Variants in CBLB observed in about 807,000 individuals in gnomAD.
The protein encoded by CBLB is Cbl proto-oncogene B.
CBLB carries 31 observed loss-of-function variants against 104.9 expected under a neutral mutation model. The ratio of observed to expected loss-of-function variants is 0.30; its 90% CI spans 0.22 to 0.40. The LOEUF is 0.40. Ranked by LOEUF, CBLB falls within the 10% of genes least tolerant of loss-of-function variation. The pLI is 1.00. For missense variants in CBLB, 1,062 were observed against 1,214.6 expected (o/e 0.87, Z 1.87); for synonymous variants, 440 against 422.6 (o/e 1.04, Z -0.51).
intron 3 of CBLB, among the ~76,000 whole-genome samples, chr3:105,832,706 C>G (rs928747351): frequency 5.3e-5 from 8 of 152,186 alleles, no homozygotes; most frequent in African/African-American, 1.9e-4. Context: ...CTAACAATGC[C>G]TGCCAAGTTT....
intron 9 of CBLB, among the ~76,000 whole-genome samples, chr3:105,722,937 T>A (rs1205059408): frequency 1.3e-5 from 2 of 152,288 alleles, no homozygotes; most frequent in Non-Finnish European, 2.9e-5. Context: ...GTTATAAGAG[T>A]AGATATCACA....
At chr3:105,843,202 T>A (rs1319762115) in intron 3 of CBLB, among the ~76,000 whole-genome samples, 1 of 152,150 alleles carries the variant, frequency 6.6e-6, no homozygotes, top group Non-Finnish European at 1.5e-5. Flanking sequence ...CCATTCAACA[T>A]GCCACTTTCA....
chr3:105,770,940 T>C (rs866603906), intron 4 of CBLB, among the ~76,000 whole-genome samples: 7 of 152,156 alleles, frequency 4.6e-5, no homozygotes, highest in South Asian at 2.1e-4. Context: ...CAGGACAAGA[T>C]AGATTCACAA....
intron 4 of CBLB, among the ~76,000 whole-genome samples, chr3:105,763,006 G>C (rs1006935058): frequency 6.6e-6 from 1 of 152,214 alleles, no homozygotes; most frequent in Non-Finnish European, 1.5e-5. Context: ...TGCCCTGGAC[G>C]TGAGACACGG....
chr3:105,724,637 T>A (rs1867429), intron 9 of CBLB, among the ~76,000 whole-genome samples: 150,182 of 152,268 alleles, frequency 0.99, 74,101 homozygotes, highest in East Asian at 1. Context: ...ATATCTTAAC[T>A]TTTGAAAAAA....
intron 4 of CBLB, among the ~76,000 whole-genome samples, chr3:105,756,590 G>A (rs2077103562): frequency 6.6e-6 from 1 of 152,078 alleles, no homozygotes; most frequent in African/African-American, 2.4e-5. Flanking sequence ...GGTATTTTTT[G>A]TAGTAGATAC....
intron 18 of CBLB, among the ~76,000 whole-genome samples, chr3:105,667,303 T>C (rs2064572364): frequency 8.9e-4 from 1 of 1,120 alleles, no homozygotes; most frequent in South Asian, 0.17. Flanking sequence ...TAATACAGCC[T>C]TTTAGTTTTC....
chr3:105,735,889 T>G (rs2074880631), intron 8 of CBLB, among the ~76,000 whole-genome samples: 1 of 152,106 alleles, frequency 6.6e-6, no homozygotes, highest in East Asian at 1.9e-4. Context: ...GAGGTTGTAG[T>G]GAGCCGAGAT....
intron 3 of CBLB, among the ~76,000 whole-genome samples, chr3:105,799,871 G>A (rs1166538725): frequency 6.6e-6 from 1 of 152,144 alleles, no homozygotes; most frequent in African/African-American, 2.4e-5. Flanking sequence ...GGTCTCTTAT[G>A]TCATAACTAA....
chr3:105,785,556 C>T (rs918682995), intron 3 of CBLB, among the ~76,000 whole-genome samples: 4 of 152,152 alleles, frequency 2.6e-5, no homozygotes, highest in African/African-American at 9.7e-5. Flanking sequence ...GGAAGCATAA[C>T]ATAGTTTCCC....
intron 2 of CBLB, among the ~76,000 whole-genome samples, chr3:105,861,965 C>T (rs2092129982): frequency 6.6e-6 from 1 of 152,086 alleles, no homozygotes; most frequent in Non-Finnish European, 1.5e-5. Flanking sequence ...TTAGTTTTAT[C>T]AGAACTTCAG....
At chr3:105,825,395 G>C (rs571530898) in intron 3 of CBLB, among the ~76,000 whole-genome samples, 6 of 152,172 alleles carry the variant, frequency 3.9e-5, no homozygotes, top group Admixed American at 3.3e-4. Context: ...AGAAGAGAAG[G>C]GGGGAAAGGA....
chr3:105,753,533 C>G (rs1437977149), intron 4 of CBLB, among the ~76,000 whole-genome samples: 1 of 151,922 alleles, frequency 6.6e-6, no homozygotes, highest in African/African-American at 2.4e-5. Flanking sequence ...ATACTCAACA[C>G]ACAAAAGGGA....
At chr3:105,722,754 G>C (rs1270872978) in intron 9 of CBLB, among the ~76,000 whole-genome samples, 1 of 152,086 alleles carries the variant, frequency 6.6e-6, no homozygotes, top group African/African-American at 2.4e-5. Flanking sequence ...TTCCTCACAA[G>C]AGATAACTGA....
At chr3:105,707,094 A>G (rs1230353910) in intron 10 of CBLB, among the ~76,000 whole-genome samples, 1 of 152,208 alleles carries the variant, frequency 6.6e-6, no homozygotes, top group Non-Finnish European at 1.5e-5. Flanking sequence ...TGTGTTGAAG[A>G]GCCTGTTGGA....
At chr3:105,682,504 G>T (rs973241844) in intron 14 of CBLB, among the ~76,000 whole-genome samples, 8 of 152,054 alleles carry the variant, frequency 5.3e-5, no homozygotes, top group Non-Finnish European at 8.8e-5. Flanking sequence ...TGCTTGAGTT[G>T]TTGGGGCTTT....
At position 105,734,768 on chromosome 3, in the gene CBLB, C is replaced by A. The variant is rs568933014; in HGVS notation, c.1072-628G>T. ...TGTTTGCTTCAAACTCTAAATTAAG[C>A]CTCTGACTAAAAAGTGCATACGCTT... On this transcript the variant is annotated intron_variant, in intron 8 of 18. Transcript: ENST00000394030. 3.2e-4 allele frequency among the ~76,000 whole-genome samples: 49 copies of A among 152,202 alleles called. 1 individual carries two copies. The South Asian group carries it at 9.7e-3, about 30-fold the overall frequency.
In CBLB at chr3:105,701,006, T is replaced by C. The variant is rs143637359; in HGVS notation, c.1959+1088A>G. 5.4e-3 allele frequency among the ~76,000 whole-genome samples: 817 copies of C among 152,336 alleles called. 10 individuals carry two copies. Among genetic ancestry groups the C allele is most frequent in the African/African-American group, 0.019 (770 of 41,574 alleles). ...CAGAGATGAGATCACTTTAATATTA[T>C]AGTCTTCAGAAGAGCCAAGGCCTCC... On this transcript the variant is annotated intron_variant, in intron 12 of 18. Coordinates refer to ENST00000394030, the MANE Select transcript of CBLB (RefSeq NM_170662.5).
intron 2 of CBLB, among the ~76,000 whole-genome samples, chr3:105,859,293 G>A (rs2153139406): frequency 6.6e-6 from 1 of 152,266 alleles, no homozygotes; most frequent in South Asian, 2.1e-4. Context: ...ACTTCATGGA[G>A]CATTCAGTTA....
Sources: allele counts gnomAD v4.1 joint callset (sites outside exome capture counted in the v4.1 genomes callset), GRCh38; gene constraint gnomAD v4.1.1; transcripts MANE v1.5; gene names NCBI Gene and HGNC (gene_info 2026-07-23, HGNC 2026-07-21).